MACROD2: variants seen among roughly 807,000 people sequenced by gnomAD.
MACROD2 encodes the protein mono-ADP ribosylhydrolase 2.
A neutral mutation model predicts 70.4 loss-of-function variants in MACROD2; 36 were observed. The ratio of observed to expected loss-of-function variants is 0.51; its 90% CI spans 0.39 to 0.68. The LOEUF (loss-of-function observed/expected upper bound fraction) is 0.68. Among genes scored for constraint, MACROD2 ranks in the 30% least tolerant of loss-of-function variants. MACROD2 has a pLI of 0.00. For synonymous variants in MACROD2, 172 were observed against 178.8 expected (o/e 0.96, Z 0.30); for missense variants, 496 against 538.4 (o/e 0.92, Z 0.78).
chr20:14,404,760 G>A (rs1053959856), intron 3 of MACROD2, among the ~76,000 whole-genome samples: 3 of 152,024 alleles, frequency 2.0e-5, no homozygotes, highest in Non-Finnish European at 2.9e-5. Context: ...CAGTGTGACA[G>A]CTATCTTTAA....
intron 6 of MACROD2, among the ~76,000 whole-genome samples, chr20:15,232,266 A>G (rs1371146268): frequency 6.6e-6 from 1 of 152,082 alleles, no homozygotes; most frequent in East Asian, 1.9e-4. Context: ...ATAGGCTTGT[A>G]TTTTGTCAAC....
At chr20:14,143,247 G>T (rs555628338) in intron 3 of MACROD2, among the ~76,000 whole-genome samples, 40 of 152,294 alleles carry the variant, frequency 2.6e-4, no homozygotes, top group Non-Finnish European at 5.0e-4. Context: ...TTTTTATAGA[G>T]AGTTTCTCAG....
intron 3 of MACROD2, among the ~76,000 whole-genome samples, chr20:14,349,667 A>G (rs1354921091): frequency 1.4e-5 from 2 of 142,198 alleles, no homozygotes; most frequent in African/African-American, 2.6e-5. Flanking sequence ...CTCTGTCTAC[A>G]TGAATTCCAT....
intron 6 of MACROD2, among the ~76,000 whole-genome samples, chr20:15,248,813 A>G (rs554099244): frequency 6.6e-6 from 1 of 152,222 alleles, no homozygotes; most frequent in Admixed American, 6.5e-5. Context: ...CATCTCTTGC[A>G]GTCCTGTAGA....
chr20:14,134,278 AC>A (rs1341053770), intron 3 of MACROD2, among the ~76,000 whole-genome samples: 1 of 152,168 alleles, frequency 6.6e-6, no homozygotes, highest in Non-Finnish European at 1.5e-5. Flanking sequence ...ACAGAATCTT[AC>A]ATGTTAATAT....
At chr20:15,534,214 G>A (rs1485843668) in intron 8 of MACROD2, among the ~76,000 whole-genome samples, 1 of 152,178 alleles carries the variant, frequency 6.6e-6, no homozygotes, top group African/African-American at 2.4e-5. Flanking sequence ...GACCATACGT[G>A]ATTGTGTTTG....
intron 8 of MACROD2, among the ~76,000 whole-genome samples, chr20:15,577,001 C>G (rs1411189700): frequency 2.0e-4 from 31 of 152,258 alleles, no homozygotes; most frequent in East Asian, 1.9e-4. Context: ...ACACTTCATA[C>G]ACTTGCCTGT....
At chr20:15,488,899 T>C (rs2047193901) in intron 7 of MACROD2, among the ~76,000 whole-genome samples, 1 of 152,326 alleles carries the variant, frequency 6.6e-6, no homozygotes, top group South Asian at 2.1e-4. Flanking sequence ...TTGCATAGAA[T>C]AGAATTTGTT....
chr20:15,411,555 A>T (rs1241509761), intron 6 of MACROD2, among the ~76,000 whole-genome samples: 1 of 152,208 alleles, frequency 6.6e-6, no homozygotes, highest in African/African-American at 2.4e-5. Context: ...TAAAACTATG[A>T]TTGCATGGAT....
intron 3 of MACROD2, among the ~76,000 whole-genome samples, chr20:14,290,832 C>G (rs2082380819): frequency 6.6e-6 from 1 of 152,184 alleles, no homozygotes; most frequent in Non-Finnish European, 1.5e-5. Flanking sequence ...TTAACATGCT[C>G]TTTAGATAAT....
At chr20:14,168,990 A>G (rs2081195232) in intron 3 of MACROD2, among the ~76,000 whole-genome samples, 1 of 152,358 alleles carries the variant, frequency 6.6e-6, no homozygotes, top group Non-Finnish European at 1.5e-5. Context: ...ACAGCATATC[A>G]GAAAGATAAT....
intron 3 of MACROD2, among the ~76,000 whole-genome samples, chr20:14,438,204 A>C (rs2084080664): frequency 6.6e-6 from 1 of 152,208 alleles, no homozygotes; most frequent in African/African-American, 2.4e-5. Flanking sequence ...AATTTAGCAT[A>C]ATGTCTTCCA....
intron 8 of MACROD2, among the ~76,000 whole-genome samples, chr20:15,690,522 A>T (rs1018325797): frequency 6.6e-6 from 1 of 152,194 alleles, no homozygotes; most frequent in Admixed American, 6.5e-5. Flanking sequence ...CTGAATGTCG[A>T]GGGACCAGAC....
intron 5 of MACROD2, among the ~76,000 whole-genome samples, chr20:15,200,205 G>A (rs554079002): frequency 7.4e-4 from 112 of 152,276 alleles, no homozygotes; most frequent in Non-Finnish European, 1.3e-3. Context: ...AAAACTTGAG[G>A]TTTCAGATAG....
At chr20:14,992,986 T>C (rs1357041591) in intron 5 of MACROD2, among the ~76,000 whole-genome samples, 3 of 152,162 alleles carry the variant, frequency 2.0e-5, no homozygotes, top group African/African-American at 7.2e-5. Flanking sequence ...TACAATAGAA[T>C]ATTTAATGAT....
intron 3 of MACROD2, among the ~76,000 whole-genome samples, chr20:14,182,605 T>C (rs2081313470): frequency 6.6e-6 from 1 of 152,186 alleles, no homozygotes; most frequent in South Asian, 2.1e-4. Flanking sequence ...TTATATAGCA[T>C]ATAAATGTAG....
At chr20:15,006,433 T>C (rs2075038253) in intron 5 of MACROD2, among the ~76,000 whole-genome samples, 1 of 152,008 alleles carries the variant, frequency 6.6e-6, no homozygotes, top group Non-Finnish European at 1.5e-5. Flanking sequence ...ATTTATAGCA[T>C]GGTGACTATA....
intron 8 of MACROD2, among the ~76,000 whole-genome samples, chr20:15,739,396 A>T (rs540742498): frequency 2.0e-5 from 3 of 152,288 alleles, no homozygotes; most frequent in African/African-American, 7.2e-5. Context: ...ACCCAGAGAG[A>T]ACACATTCTG....
intron 15 of MACROD2, among the ~76,000 whole-genome samples, chr20:16,036,594 C>T (rs1400072927): frequency 6.6e-6 from 1 of 151,990 alleles, no homozygotes; most frequent in Non-Finnish European, 1.5e-5. Context: ...GAAGGAGGGA[C>T]AGGCAAACTG....
Sources: gnomAD v4.1 joint callset for allele counts (sites outside exome capture counted in the v4.1 genomes callset) on GRCh38, gnomAD v4.1.1 for gene constraint, MANE v1.5 for transcripts, NCBI Gene and HGNC (gene_info 2026-07-23, HGNC 2026-07-21) for gene names.